ATCAY: variants seen among roughly 807,000 people sequenced by gnomAD.
ATCAY encodes caytaxin.
A neutral mutation model predicts 47.7 loss-of-function variants in ATCAY; 22 were observed. The ratio of observed to expected loss-of-function variants is 0.46; its 90% CI spans 0.33 to 0.66. The LOEUF is 0.66. Among genes scored for constraint, ATCAY ranks in the 30% least tolerant of loss-of-function variants. ATCAY has a pLI of 0.02. For missense variants in ATCAY, 452 were observed against 515.0 expected (o/e 0.88, Z 1.18); for synonymous variants, 216 against 207.6 (o/e 1.04, Z -0.35).
chr19:3,904,237 T>A (rs1244331067), intron 3 of ATCAY, among the ~76,000 whole-genome samples: 1 of 152,164 alleles, frequency 6.6e-6, no homozygotes, highest in Non-Finnish European at 1.5e-5. Context: ...GGTGGGAGAA[T>A]CACTTGAACC....
chr19:3,889,938 ACTTTT>A (rs745841708), intron 2 of ATCAY, among the ~76,000 whole-genome samples: 2 of 149,580 alleles, frequency 1.3e-5, no homozygotes, highest in South Asian at 4.2e-4. Flanking sequence ...TTATTTCTTT[ACTTTT>A]CTTTTCTTTT....
chr19:3,916,110 G>A (rs1004409546), intron 9 of ATCAY, among the ~76,000 whole-genome samples: 24 of 151,958 alleles, frequency 1.6e-4, no homozygotes, highest in Admixed American at 9.8e-4. Context: ...GGAGTCTGAC[G>A]ACTCTAGGGA....
intron 3 of ATCAY, among the ~76,000 whole-genome samples, chr19:3,903,982 CAAAAAAAAAAAA>C (rs59631453): frequency 1.3e-5 from 1 of 79,062 alleles, no homozygotes; most frequent in African/African-American, 3.7e-5. Flanking sequence ...ACTAAAGATA[CAAAAAAAAAAAA>C]AAAAAAAAAT....
chr19:3,905,056 G>A (rs544843424), intron 3 of ATCAY, among the ~76,000 whole-genome samples: 44 of 151,986 alleles, frequency 2.9e-4, no homozygotes, highest in African/African-American at 9.9e-4. Flanking sequence ...ATGGGGTTTC[G>A]CCATGTTGGC....
chr19:3,901,660 C>A (rs921877846), intron 2 of ATCAY, among the ~76,000 whole-genome samples: 1 of 152,136 alleles, frequency 6.6e-6, no homozygotes, highest in Non-Finnish European at 1.5e-5. Flanking sequence ...CTAAAAGAAG[C>A]CCTTCAGCCC....
chr19:3,923,107 C>G (rs1335988425), intron 12 of ATCAY, among the ~76,000 whole-genome samples: 1 of 152,108 alleles, frequency 6.6e-6, no homozygotes, highest in Non-Finnish European at 1.5e-5. Context: ...ACCCATGTGA[C>G]CCAGGAAGCT....
intron 2 of ATCAY, among the ~76,000 whole-genome samples, chr19:3,887,004 G>A (rs1427124493): frequency 6.6e-6 from 1 of 151,998 alleles, no homozygotes. Flanking sequence ...ATTTTGCAGG[G>A]ACATCTTGTC....
At chr19:3,900,029 A>G (rs915955826) in intron 2 of ATCAY, among the ~76,000 whole-genome samples, 4 of 152,026 alleles carry the variant, frequency 2.6e-5, no homozygotes, top group African/African-American at 9.7e-5. Flanking sequence ...AGCTGTGTAT[A>G]TTTTATATTT....
At chr19:3,894,118 C>T (rs2038743696) in intron 2 of ATCAY, among the ~76,000 whole-genome samples, 1 of 151,808 alleles carries the variant, frequency 6.6e-6, no homozygotes, top group South Asian at 2.1e-4. Flanking sequence ...TCTGGGAGGC[C>T]AAGGCGGGAG....
rs1057024264 is a variant in ATCAY at position 3,885,787 on chromosome 19, C to T, written c.20C>T (p.Thr7Met). 8.4e-6 allele frequency: 13 copies of T among 1,551,700 alleles called. No individual in the cohort carries two copies. Among genetic ancestry groups the T allele is most frequent in the East Asian group, 4.9e-5 (2 of 40,914 alleles). Residue 7 changes from threonine (T) to methionine (M), a missense_variant, in exon 2 of 13, where the codon ACG becomes ATG. Thr to Met is a moderately conservative substitution (Grantham distance 81). Transcript: ENST00000450849. Reference protein sequence around the residue: MGTTEATLRMENVDVKE... With the variant: MGTTEAMLRMENVDVKE... ...GCTCCCATGGGGACCACCGAAGCCA[C>T]GCTCCGGATGGAAAACGTGGACGTG...
In ATCAY at chr19:3,913,775, A is replaced by G; in HGVS notation, c.884A>G (p.Lys295Arg). Residue 295 changes from lysine (K) to arginine (R), a missense_variant, in exon 9 of 13, where the codon AAG (lysine) becomes AGG (arginine). Physicochemically the swap from Lys to Arg is conservative, Grantham distance 26. Transcript: ENST00000450849. ...CCCGCCAGCGTCAAGTTCATCAACAAGATCCAGTACGTGCACAGCTTGGAA... is the reference window on the plus strand; with the variant it reads ...CCCGCCAGCGTCAAGTTCATCAACAGGATCCAGTACGTGCACAGCTTGGAA... ...RPFISVKFIN[K>R]IQYVHSLEDL... 1 of 1,613,832 alleles carries G rather than the reference A, an allele frequency of 6.2e-7. No homozygotes were observed. The highest frequency in any genetic ancestry group is 1.1e-5 in the South Asian group (1 of 91,068).
rs1041695846 is a variant in ATCAY, at chr19:3,880,915, G to C, written c.-135G>C. 1 of 152,238 alleles carries C rather than the reference G, an allele frequency of 6.6e-6. No individual in the cohort carries two copies. Among genetic ancestry groups the C allele is most frequent in the Non-Finnish European group, 1.5e-5 (1 of 68,054 alleles). The allele number at this position is 152,238 out of a possible 1,614,324, so 9.4% of individuals were successfully genotyped here. Reference sequence around the variant, plus strand: ...GAGCATCCTCTTCCTCCTAGGCTCTGAAGGCCCGGGGAGCGTGAGCGATGC... The same window carrying C: ...GAGCATCCTCTTCCTCCTAGGCTCTCAAGGCCCGGGGAGCGTGAGCGATGC... On this transcript the variant is annotated 5_prime_UTR_variant, in exon 1 of 13. Coordinates refer to ENST00000450849, the MANE Select transcript of ATCAY (RefSeq NM_033064.5).
At position 3,881,875 on chromosome 19, in the gene ATCAY, C is replaced by CG. The variant is rs1555765216; in HGVS notation, c.-42+867_-42+868insG. Among the ~76,000 whole-genome samples, 1,322 of 146,010 alleles carry CG rather than the reference C, an allele frequency of 9.1e-3. 52 individuals are homozygous for CG. The highest frequency in any genetic ancestry group is 0.032 in the African/African-American group (1,248 of 38,754). On this transcript the variant is annotated intron_variant, in intron 1 of 12. Coordinates refer to ENST00000450849, the MANE Select transcript of ATCAY (RefSeq NM_033064.5). The stretch of plus-strand genomic sequence containing the variant: ...GCTGGCTGCTGCCACCGCCCCCCCC[C>CG]CGACCCCATAGCATCCAGGAGGGAT...
chr19:3,895,953 G>T (rs887765061), intron 2 of ATCAY, among the ~76,000 whole-genome samples: 5 of 152,048 alleles, frequency 3.3e-5, no homozygotes, highest in Non-Finnish European at 7.4e-5. Flanking sequence ...CTAGTCTCAA[G>T]AGATCCTCCC....
intron 9 of ATCAY, 124 bp from the exon 10 acceptor site, chr19:3,917,610 AGGAAGAAG>A: frequency 2.0e-6 from 1 of 501,256 alleles, no homozygotes; most frequent in Non-Finnish European, 3.3e-6. Context: ...AAAAAAAAAA[AGGAAGAAG>A]AAGAAGAAGA....
At position 3,926,735 on chromosome 19, in the gene ATCAY, A is replaced by G. The variant is rs921525258; in HGVS notation, c.*2143A>G. ...GGTTTCTGAGCAGGCTTATGCCTGC[A>G]GGTTCCTGTGGAGCCACCGGCTGTG... On this transcript the variant is annotated 3_prime_UTR_variant, in exon 13 of 13. Coordinates refer to ENST00000450849, the MANE Select transcript of ATCAY (RefSeq NM_033064.5). 2 of 152,274 alleles carry G rather than the reference A, an allele frequency of 1.3e-5. No individual in the cohort carries two copies. The highest frequency in any genetic ancestry group is 4.8e-5 in the African/African-American group (2 of 41,466). 9.4% of individuals were successfully genotyped at this position (152,274 alleles called of 1,614,324 possible). A position where few individuals can be genotyped will look rare whatever the true frequency, so the allele number is the denominator to read the frequency against.
chr19:3,895,335 C>T (rs939621860), intron 2 of ATCAY: 3 of 419,606 alleles, frequency 7.1e-6, no homozygotes, highest in Non-Finnish European at 1.4e-5. Context: ...TTGCCTCAGC[C>T]TCCTGAGTAG....
intron 9 of ATCAY, among the ~76,000 whole-genome samples, chr19:3,916,662 T>C (rs1193474241): frequency 6.6e-6 from 1 of 151,146 alleles, no homozygotes; most frequent in African/African-American, 2.4e-5. Context: ...CCCAGATAAT[T>C]TTTTTGTATT....
At chr19:3,898,494 T>C (rs1170189637) in intron 2 of ATCAY, among the ~76,000 whole-genome samples, 1 of 152,212 alleles carries the variant, frequency 6.6e-6, no homozygotes, top group Non-Finnish European at 1.5e-5. Flanking sequence ...CAACATTTCA[T>C]GTAATTGGAA....
Sources: allele counts gnomAD v4.1 joint callset (sites outside exome capture counted in the v4.1 genomes callset), GRCh38; gene constraint gnomAD v4.1.1; transcripts MANE v1.5; gene names NCBI Gene and HGNC (gene_info 2026-07-23, HGNC 2026-07-21).